Variants in OSBPL10 observed in about 807,000 individuals in gnomAD.
The protein encoded by OSBPL10 is oxysterol binding protein like 10.
OSBPL10 carries 49 observed loss-of-function variants against 81.7 expected under a neutral mutation model. That is an observed-to-expected ratio of 0.60 (90% confidence interval 0.48 to 0.76). The LOEUF (loss-of-function observed/expected upper bound fraction) is 0.76, where lower values mean the gene tolerates loss of function less well. Among genes scored for constraint, OSBPL10 ranks in the 30% least tolerant of loss-of-function variants. OSBPL10 has a pLI of 0.00. For synonymous variants in OSBPL10, 419 were observed against 383.6 expected (o/e 1.09, Z -1.08); for missense variants, 923 against 987.8 (o/e 0.93, Z 0.88).
intron 7 of OSBPL10, among the ~76,000 whole-genome samples, chr3:31,692,980 C>T (rs1227883263): frequency 6.6e-6 from 1 of 152,218 alleles, no homozygotes; most frequent in South Asian, 2.1e-4. Context: ...ATAACTGTGT[C>T]GCCTCATGAA....
intron 6 of OSBPL10, among the ~76,000 whole-genome samples, chr3:31,731,982 G>A (rs1312841714): frequency 2.0e-5 from 3 of 152,202 alleles, no homozygotes; most frequent in African/African-American, 7.2e-5. Flanking sequence ...GAAATAGCAT[G>A]AGCCATAATA....
At chr3:32,069,807 G>A (rs1200736817) in intron 1 of OSBPL10, among the ~76,000 whole-genome samples, 1 of 152,178 alleles carries the variant, frequency 6.6e-6, no homozygotes, top group Non-Finnish European at 1.5e-5. Flanking sequence ...CAGCATATAA[G>A]AACTTCAGAA....
intron 4 of OSBPL10, among the ~76,000 whole-genome samples, chr3:31,752,404 T>C (rs539385394): frequency 2.1e-4 from 32 of 152,258 alleles, no homozygotes; most frequent in African/African-American, 7.5e-4. Flanking sequence ...AGCCCCAAAT[T>C]AAATTTCAGA....
chr3:31,910,844 C>T (rs1696554524), intron 1 of OSBPL10, among the ~76,000 whole-genome samples: 1 of 152,164 alleles, frequency 6.6e-6, no homozygotes, highest in Admixed American at 6.5e-5. Flanking sequence ...TTATAGCATA[C>T]TTAAATTAAT....
At chr3:31,676,411 A>G (rs760989560) in intron 8 of OSBPL10, among the ~76,000 whole-genome samples, 17 of 151,648 alleles carry the variant, frequency 1.1e-4, no homozygotes, top group Non-Finnish European at 2.2e-4. Context: ...AAAAAAAAAC[A>G]TCAAATAATC....
chr3:31,960,341 A>C (rs1698124752), intron 1 of OSBPL10: 1 of 152,086 alleles, frequency 6.6e-6, no homozygotes, highest in African/African-American at 2.4e-5. Context: ...AGCTTCCCTC[A>C]CCACGTTCAG....
chr3:31,770,457 C>T (rs72859680), intron 4 of OSBPL10, among the ~76,000 whole-genome samples: 247 of 152,286 alleles, frequency 1.6e-3, no homozygotes, highest in African/African-American at 5.5e-3. Flanking sequence ...TTGTCTGACA[C>T]TTGCTATGTT....
Position 31,661,041 on chromosome 3 carries a change from T to C in OSBPL10, c.*1031A>G, listed in dbSNP as rs1484244742. On this transcript the variant is annotated 3_prime_UTR_variant, in exon 12 of 12. Transcript: ENST00000396556. The stretch of plus-strand genomic sequence containing the variant: ...CTTGCTTTGTATTTTCGTCACTCCT[T>C]TGACCTCATGTGTAAAGGCTAAAAA... 1 of 152,678 alleles carries C rather than the reference T, an allele frequency of 6.5e-6. No homozygotes were observed. The highest frequency in any genetic ancestry group is 6.5e-5 in the Admixed American group (1 of 15,292). The allele number at this position is 152,678 out of a possible 1,614,324, so 9.5% of individuals were successfully genotyped here.
chr3:31,809,136 T>C (rs2125469124), intron 4 of OSBPL10, among the ~76,000 whole-genome samples: 1 of 152,294 alleles, frequency 6.6e-6, no homozygotes, highest in Middle Eastern at 3.4e-3. Context: ...TTTGATAAAC[T>C]AAAAAGAGGA....
intron 1 of OSBPL10, among the ~76,000 whole-genome samples, chr3:31,880,944 T>C (rs1210771177): frequency 6.6e-6 from 1 of 152,212 alleles, no homozygotes; most frequent in Non-Finnish European, 1.5e-5. Flanking sequence ...CATGAACCAA[T>C]GACAGTGCAA....
chr3:31,952,862 G>T (rs1013227759), intron 1 of OSBPL10, among the ~76,000 whole-genome samples: 2 of 151,818 alleles, frequency 1.3e-5, no homozygotes, highest in South Asian at 4.1e-4. Context: ...TCGGGGAAGG[G>T]TCCTATATTC....
intron 1 of OSBPL10, among the ~76,000 whole-genome samples, chr3:31,901,580 G>A (rs1179356257): frequency 2.0e-5 from 3 of 152,154 alleles, no homozygotes; most frequent in African/African-American, 7.2e-5. Flanking sequence ...CTGTCACTCT[G>A]CCCCATAGCA....
In OSBPL10 at chr3:31,705,620, A is replaced by C. The variant is rs554765310; in HGVS notation, c.1096-3112T>G. Among the ~76,000 whole-genome samples, 15 of 152,196 alleles carry C rather than the reference A, an allele frequency of 9.9e-5. No homozygotes were observed. In the South Asian group the frequency reaches 2.5e-3, roughly 25 times the overall value. ...GGGTCAAGGGTTTGTTGATTCCGCT[A>C]CTCTGATGTGGAATTCAAAGAGATG... On this transcript the variant is annotated intron_variant, in intron 6 of 11. Transcript: ENST00000396556.
At chr3:31,814,276 C>A (rs1393107350) in intron 4 of OSBPL10, among the ~76,000 whole-genome samples, 3 of 152,206 alleles carry the variant, frequency 2.0e-5, no homozygotes, top group African/African-American at 7.2e-5. Flanking sequence ...AAATCATAAA[C>A]ACAAAGTCGA....
At chr3:31,958,565 A>AT (rs944460057) in intron 1 of OSBPL10, among the ~76,000 whole-genome samples, 4 of 152,066 alleles carry the variant, frequency 2.6e-5, no homozygotes, top group East Asian at 1.9e-4. Flanking sequence ...ACAAGGGCCC[A>AT]TTTTTTTCCC....
intron 3 of OSBPL10, among the ~76,000 whole-genome samples, chr3:31,842,909 C>T (rs1172262834): frequency 1.3e-5 from 2 of 152,152 alleles, no homozygotes; most frequent in Non-Finnish European, 2.9e-5. Context: ...TAATAGAACG[C>T]TATCATTTGG....
intron 5 of OSBPL10, among the ~76,000 whole-genome samples, chr3:31,737,690 G>A (rs1276260563): frequency 6.6e-6 from 1 of 152,040 alleles, no homozygotes; most frequent in Non-Finnish European, 1.5e-5. Context: ...ACAATCATGA[G>A]GCAGAAGACA....
chr3:31,719,332 A>G lies in OSBPL10; in HGVS notation c.1095+13925T>C, dbSNP rs192259282. On this transcript the variant is annotated intron_variant, in intron 6 of 11. Transcript: ENST00000396556. ...ACTTACTCCACATTATTAAAAATTC[A>G]CTGGCTTTGTATATTAAAAGAATTC... 2.9e-3 allele frequency among the ~76,000 whole-genome samples: 445 copies of G among 152,332 alleles called. 3 individuals carry two copies. The highest frequency in any genetic ancestry group is 0.01 in the African/African-American group (426 of 41,578).
rs570848129 is a variant in OSBPL10, at chr3:31,777,660, A to C, written c.730-29540T>G. Among the ~76,000 whole-genome samples, 18 of 152,362 alleles carry C rather than the reference A, an allele frequency of 1.2e-4. No individual in the cohort carries two copies. The East Asian group carries it at 3.5e-3, about 29-fold the overall frequency. On this transcript the variant is annotated intron_variant, in intron 4 of 11. Coordinates refer to ENST00000396556, the MANE Select transcript of OSBPL10 (RefSeq NM_017784.5). The stretch of plus-strand genomic sequence containing the variant: ...AACGTGGCCACTCTCCTTGCAGGCC[A>C]CTGCAAATTCCACAAGACAAGCTAA...
Sources: gnomAD v4.1 joint callset for allele counts (sites outside exome capture counted in the v4.1 genomes callset) on GRCh38, gnomAD v4.1.1 for gene constraint, MANE v1.5 for transcripts, NCBI Gene and HGNC (gene_info 2026-07-23, HGNC 2026-07-21) for gene names.